The following JARID2 variants were observed in gnomAD, a reference collection of about 807,000 sequenced individuals.
JARID2 encodes protein Jumonji.
Under a neutral mutation model 125.6 loss-of-function variants are expected in JARID2, and 21 were observed. The ratio of observed to expected loss-of-function variants is 0.17; its 90% confidence interval spans 0.12 to 0.24. JARID2 has a LOEUF of 0.24. Ranked by LOEUF, JARID2 falls within the 10% of genes least tolerant of loss-of-function variation. JARID2 has a pLI of 1.00. For missense variants in JARID2, 1,303 were observed against 1,639.6 expected (o/e 0.79, Z 3.55); for synonymous variants, 736 against 661.6 (o/e 1.11, Z -1.73).
chr6:15,288,967 G>C (rs1761102960), intron 1 of JARID2, among the ~76,000 whole-genome samples: 1 of 152,200 alleles, frequency 6.6e-6, no homozygotes, highest in Admixed American at 6.5e-5. Flanking sequence ...GGATAGTGGA[G>C]CTCAGACTGA....
chr6:15,397,974 T>C (rs1309193354), intron 2 of JARID2, among the ~76,000 whole-genome samples: 1 of 152,132 alleles, frequency 6.6e-6, no homozygotes, highest in Non-Finnish European at 1.5e-5. Context: ...CATTGTGTAA[T>C]AATGAAAATG....
chr6:15,402,379 A>T (rs1446461258), intron 2 of JARID2, among the ~76,000 whole-genome samples: 4 of 152,128 alleles, frequency 2.6e-5, no homozygotes. Flanking sequence ...GTACATACAC[A>T]CTTGTAATTA....
chr6:15,475,038 T>C (rs944087304), intron 5 of JARID2, among the ~76,000 whole-genome samples: 1 of 152,214 alleles, frequency 6.6e-6, no homozygotes, highest in Admixed American at 6.5e-5. Flanking sequence ...TTTGTTTTCA[T>C]GTGTAATAAA....
intron 3 of JARID2, among the ~76,000 whole-genome samples, chr6:15,442,187 C>T (rs1166450467): frequency 6.6e-6 from 1 of 151,226 alleles, no homozygotes; most frequent in African/African-American, 2.4e-5. Flanking sequence ...ATGCCCATTG[C>T]CAGGAGAGTT....
chr6:15,296,836 GTTT>G (rs1349768992), intron 1 of JARID2, among the ~76,000 whole-genome samples: 3 of 152,152 alleles, frequency 2.0e-5, no homozygotes, highest in South Asian at 2.1e-4. Context: ...TCACTTTATG[GTTT>G]TTGATGCTGT....
intron 3 of JARID2, among the ~76,000 whole-genome samples, chr6:15,427,469 G>C (rs1373584000): frequency 1.3e-5 from 2 of 151,980 alleles, no homozygotes; most frequent in Non-Finnish European, 2.9e-5. Context: ...TCAGATTGCA[G>C]GGATATCACT....
intron 1 of JARID2, among the ~76,000 whole-genome samples, chr6:15,343,672 C>G (rs916162490): frequency 6.6e-6 from 1 of 152,178 alleles, no homozygotes; most frequent in Non-Finnish European, 1.5e-5. Context: ...CAGATGTTCT[C>G]TGAGTTAATG....
In JARID2 at chr6:15,501,531, G is replaced by A. The variant is rs144195633; in HGVS notation, c.2448+122G>A. 1.7e-3 allele frequency: 1,494 copies of A among 894,976 alleles called. 13 individuals are homozygous for A. The Admixed American group carries it at 0.018, about 11-fold the overall frequency. The allele number at this position is 894,976 out of a possible 1,614,324, so 55.4% of individuals were successfully genotyped here. The stretch of plus-strand genomic sequence containing the variant: ...TGATTCCCTGGGGTGATGAGGGGGC[G>A]GGCCACTGTGCTGGGTGATAGCGCT... On this transcript the variant is annotated intron_variant, in intron 8 of 17. Transcript: ENST00000341776.
At chr6:15,266,093 C>A (rs1469438615) in intron 1 of JARID2, among the ~76,000 whole-genome samples, 1 of 152,146 alleles carries the variant, frequency 6.6e-6, no homozygotes, top group Non-Finnish European at 1.5e-5. Flanking sequence ...AGCTTTCTCT[C>A]AAAGAACTGT....
At position 15,433,933 on chromosome 6, in the gene JARID2, T is replaced by G. The variant is rs1487525088; in HGVS notation, c.324-18073T>G. Among the ~76,000 whole-genome samples the G allele has an allele frequency of 9.9e-3, 909 of 91,708 alleles. 11 individuals carry two copies. Among genetic ancestry groups the G allele is most frequent in the African/African-American group, 0.038 (861 of 22,420 alleles). 60.2% of individuals were successfully genotyped at this position (91,708 alleles called of 152,430 possible). Reference sequence around the variant, plus strand: ...CCTCACTCTCCAGGGTGTGTGTGTGTGTGTGTGTGTGTGTGTGTGTGTGTG... The same window carrying G: ...CCTCACTCTCCAGGGTGTGTGTGTGGGTGTGTGTGTGTGTGTGTGTGTGTG... On this transcript the variant is annotated intron_variant, in intron 3 of 17. Transcript: ENST00000341776.
In JARID2 at chr6:15,520,373, GT is replaced by G; in HGVS notation, c.*126del. ...TAGCTCTAAAGAAGATTTTCTTCTG[GT>G]TTTAGAGAACTAATTTTGTTTTAGC... On this transcript the variant is annotated 3_prime_UTR_variant, in exon 18 of 18. Coordinates refer to ENST00000341776, the MANE Select transcript of JARID2 (RefSeq NM_004973.4). 1 of 758,280 alleles carries G rather than the reference GT, an allele frequency of 1.3e-6. No homozygotes were observed. Among genetic ancestry groups the G allele is most frequent in the Non-Finnish European group, 2.0e-6 (1 of 506,670 alleles). 47.0% of individuals were successfully genotyped at this position (758,280 alleles called of 1,614,324 possible).
intron 1 of JARID2, among the ~76,000 whole-genome samples, chr6:15,283,645 C>T (rs1009721459): frequency 2.1e-5 from 3 of 145,626 alleles, no homozygotes; most frequent in African/African-American, 7.6e-5. Context: ...CCCGGCCATT[C>T]TGATATTTAT....
intron 12 of JARID2, chr6:15,508,930 T>G: frequency 7.8e-7 from 1 of 1,285,266 alleles, no homozygotes; most frequent in South Asian, 1.2e-5. Context: ...TAACTGAATA[T>G]AAACCGTGGT....
chr6:15,296,523 C>T (rs1235395764), intron 1 of JARID2, among the ~76,000 whole-genome samples: 5 of 152,166 alleles, frequency 3.3e-5, no homozygotes, highest in Admixed American at 1.3e-4. Flanking sequence ...AGTATTCTCT[C>T]TCCCTTATCC....
Position 15,496,779 on chromosome 6 carries a change from C to T in JARID2, c.1554C>T (p.Asp518=), listed in dbSNP as rs1770459641. ...TPGRQAHGKA[D]SASCENRSTS... The stretch of plus-strand genomic sequence containing the variant: ...GCAGACAAGCACATGGCAAGGCGGA[C>T]AGCGCCTCCTGTGAAAATCGTTCTA... Residue 518 remains aspartate (D), a synonymous_variant, in exon 7 of 18, where the codon GAC becomes GAT. Transcript: ENST00000341776. The T allele has an allele frequency of 3.7e-6, 6 of 1,612,458 alleles. No individual in the cohort carries two copies. The highest frequency in any genetic ancestry group is 1.3e-5 in the African/African-American group (1 of 75,044).
intron 12 of JARID2, among the ~76,000 whole-genome samples, chr6:15,510,643 C>T (rs867883702): frequency 3.9e-5 from 6 of 152,182 alleles, no homozygotes; most frequent in African/African-American, 9.7e-5. Context: ...TGCCTGATGC[C>T]GGGTAGGCTG....
Position 15,511,276 on chromosome 6 carries a change from T to C in JARID2, c.2847-20T>C, listed in dbSNP as rs1443147649. On this transcript the variant is annotated intron_variant, in intron 12 of 17. Transcript: ENST00000341776. Reference sequence around the variant, plus strand: ...CCTTGTCAAGTCTCTGCTTGTCTCTTGTGTCTCTCAATGACCCAGGTATTG... The same window carrying C: ...CCTTGTCAAGTCTCTGCTTGTCTCTCGTGTCTCTCAATGACCCAGGTATTG... 2 of 1,558,144 alleles carry C rather than the reference T, an allele frequency of 1.3e-6. No homozygotes were observed. Among genetic ancestry groups the C allele is most frequent in the Non-Finnish European group, 1.8e-6 (2 of 1,129,362 alleles).
At chr6:15,416,372 C>G (rs896279260) in intron 3 of JARID2, among the ~76,000 whole-genome samples, 43 of 152,288 alleles carry the variant, frequency 2.8e-4, no homozygotes, top group Admixed American at 7.8e-4. Context: ...GCCGAGATCA[C>G]GCCACTGCAC....
At chr6:15,412,157 A>G (rs948998052) in intron 3 of JARID2, among the ~76,000 whole-genome samples, 1 of 152,228 alleles carries the variant, frequency 6.6e-6, no homozygotes, top group Non-Finnish European at 1.5e-5. Flanking sequence ...ATTACAGCCT[A>G]CTAACTTGGT....
Sources: gnomAD v4.1 joint callset for allele counts (sites outside exome capture counted in the v4.1 genomes callset) on GRCh38, gnomAD v4.1.1 for gene constraint, MANE v1.5 for transcripts, NCBI Gene and HGNC (gene_info 2026-07-23, HGNC 2026-07-21) for gene names.